Variants in DZIP3 observed in about 807,000 individuals in gnomAD.
The protein encoded by DZIP3 is E3 ubiquitin-protein ligase DZIP3.
In DZIP3, 118 loss-of-function variants were observed where a neutral mutation model predicts 162.0. The observed-to-expected ratio is 0.73, with a 90% CI of 0.63 to 0.85. DZIP3 has a LOEUF of 0.85. DZIP3 is among the 40% of genes least tolerant of loss of function. DZIP3 has a pLI of 0.00. For synonymous variants in DZIP3, 438 were observed against 458.6 expected (o/e 0.96, Z 0.57); for missense variants, 1,331 against 1,407.0 (o/e 0.95, Z 0.86).
chr3:108,661,970 G>A lies in DZIP3; in HGVS notation c.2293G>A (p.Glu765Lys), dbSNP rs1576438127. 1.2e-6 allele frequency: 2 copies of A among 1,613,042 alleles called. No individual in the cohort carries two copies. The highest frequency in any genetic ancestry group is 3.3e-4 in the Middle Eastern group (2 of 6,058). The stretch of plus-strand genomic sequence containing the variant: ...GCTTTATAAATTGCACTATCAGTGT[G>A]AAGTAAGTATTTTTGCCATTAGATC... The part of the protein sequence containing the change: ...RQLYKLHYQC[E>K]DFKRQLRTVT... The change falls in exon 20 of 33, where the codon GAA becomes AAA. Residue 765 changes from glutamate (E) to lysine (K), a missense_variant and splice_region_variant. Physicochemically the swap from Glu to Lys is moderately conservative, Grantham distance 56. Transcript: ENST00000361582.
At chr3:108,599,500 A>G (rs1939882020) in intron 1 of DZIP3, among the ~76,000 whole-genome samples, 2 of 152,232 alleles carry the variant, frequency 1.3e-5, no homozygotes, top group African/African-American at 4.8e-5. Flanking sequence ...GCAACTTGTT[A>G]ACTTGTTATT....
At chr3:108,653,851 A>C (rs1288688514) in intron 18 of DZIP3, among the ~76,000 whole-genome samples, 10 of 152,076 alleles carry the variant, frequency 6.6e-5, no homozygotes, top group Non-Finnish European at 1.3e-4. Flanking sequence ...CAACTGATGT[A>C]ACTAGTTATA....
chr3:108,624,179 A>G (rs1423027918), intron 5 of DZIP3, among the ~76,000 whole-genome samples: 1 of 152,080 alleles, frequency 6.6e-6, no homozygotes, highest in African/African-American at 2.4e-5. Context: ...TGGAGCTTCT[A>G]TTTGGCCATC....
intron 17 of DZIP3, among the ~76,000 whole-genome samples, chr3:108,649,937 A>G (rs922656471): frequency 6.6e-6 from 1 of 151,820 alleles, no homozygotes; most frequent in African/African-American, 2.4e-5. Flanking sequence ...ACTTTTAGAC[A>G]GTTCTTATCT....
Position 108,644,311 on chromosome 3 carries a change from A to G in DZIP3, c.1289A>G (p.Asn430Ser), listed in dbSNP as rs1450075545. ...LLKKELLIHK[N>S]VLESYYNHLW... ...AAAAAAGAGCTTCTTATACACAAGA[A>G]TGTGCTGGAATCCTACTACAACCAT... is the stretch of plus-strand genomic sequence containing the variant. Residue 430 changes from asparagine (N) to serine (S), a missense_variant, in exon 14 of 33, where the codon AAT becomes AGT. Physicochemically the swap from Asn to Ser is conservative, Grantham distance 46 (BLOSUM62 1). Around this residue, in one of 2 missense-constraint regions of DZIP3, gnomAD observed 1,278 missense variants for 1,317.1 expected, o/e 0.97. Coordinates refer to ENST00000361582, the MANE Select transcript of DZIP3 (RefSeq NM_014648.4). 2.5e-6 allele frequency: 4 copies of G among 1,614,112 alleles called. No homozygotes were observed. The highest frequency in any genetic ancestry group is 3.4e-6 in the Non-Finnish European group (4 of 1,179,972).
At chr3:108,622,284 C>CT (rs1032055129) in intron 5 of DZIP3, among the ~76,000 whole-genome samples, 3 of 152,074 alleles carry the variant, frequency 2.0e-5, no homozygotes, top group Non-Finnish European at 4.4e-5. Context: ...ATGTCAATTG[C>CT]TTTTTTAAGC....
At chr3:108,637,597 A>G (rs1380894128) in intron 12 of DZIP3, 49 bp downstream of exon 12, 1 of 1,520,604 alleles carries the variant, frequency 6.6e-7, no homozygotes, top group South Asian at 1.2e-5. Context: ...ATATGCATAT[A>G]TTTTTTGGTT....
intron 17 of DZIP3, 60 bp downstream of exon 17, chr3:108,649,022 T>C: frequency 1.0e-6 from 1 of 980,534 alleles, no homozygotes; most frequent in Non-Finnish European, 1.4e-6. Context: ...AATACATGAA[T>C]TCATTGTTAG....
rs185189013 is a variant in DZIP3 at position 108,616,347 on chromosome 3, G to A, written c.259-194G>A. Among the ~76,000 whole-genome samples, 407 of 150,358 alleles carry A rather than the reference G, an allele frequency of 2.7e-3. 1 individual carries two copies. Among genetic ancestry groups the A allele is most frequent in the Non-Finnish European group, 4.8e-3 (322 of 67,708 alleles). On this transcript the variant is annotated intron_variant, in intron 4 of 32. Transcript: ENST00000361582. ...TTGTTTTAAGGAAATAGTTACAAAC[G>A]ACATTCATCGGACTACTTAAAAGCA...
chr3:108,594,440 C>A (rs1029094853), intron 1 of DZIP3, among the ~76,000 whole-genome samples: 2 of 131,502 alleles, frequency 1.5e-5, no homozygotes, highest in Non-Finnish European at 1.6e-5. Context: ...CTGCTCCCCC[C>A]CCATATATAT....
At chr3:108,615,009 A>G (rs189420412) in intron 4 of DZIP3, among the ~76,000 whole-genome samples, 194 of 152,284 alleles carry the variant, frequency 1.3e-3, no homozygotes, top group African/African-American at 4.4e-3. Flanking sequence ...CAGGGCCTCA[A>G]TGAAAAGAAT....
chr3:108,636,708 G>T lies in DZIP3; in HGVS notation c.1011G>T (p.Leu337Phe). 6.4e-7 allele frequency: 1 copy of T among 1,559,908 alleles called. No homozygotes were observed. The highest frequency in any genetic ancestry group is 1.2e-5 in the South Asian group (1 of 81,290). The change falls in exon 11 of 33, where the codon TTG (leucine) becomes TTT (phenylalanine). Residue 337 changes from leucine to phenylalanine, a missense_variant and splice_region_variant. Leu to Phe is a conservative substitution (Grantham distance 22). Coordinates refer to ENST00000361582, the MANE Select transcript of DZIP3 (RefSeq NM_014648.4). Reference protein sequence around the residue: ...QCDVPGIVKILFEVVRKDEYI... With the variant: ...QCDVPGIVKIFFEVVRKDEYI... ...ATGTACCTGGAATTGTTAAAATTTT[G>T]GTGAGTATCTTGTTTTGTCCTTTTT...
Position 108,688,609 on chromosome 3 carries a change from T to A in DZIP3, c.3287T>A (p.Val1096Glu). The A allele has an allele frequency of 6.2e-7, 1 of 1,611,306 alleles. No individual in the cohort carries two copies. ...TATTTTCAGAGTCAAGGAAAATCAG[T>A]GTCAAATGTTAATTGTGTTTCACCT... ...PKKSQSQGKS[V>E]SNVNCVSPSH... The change falls in exon 30 of 33, where the codon GTG becomes GAG. Residue 1096 changes from valine to glutamate, a missense_variant. This residue lies in a region of DZIP3 where 1,278 missense variants were observed against 1,317.1 expected (regional missense o/e 0.97). Coordinates refer to ENST00000361582, the MANE Select transcript of DZIP3 (RefSeq NM_014648.4).
intron 1 of DZIP3, among the ~76,000 whole-genome samples, chr3:108,604,981 A>G (rs1940253202): frequency 6.6e-6 from 1 of 152,232 alleles, no homozygotes; most frequent in Non-Finnish European, 1.5e-5. Flanking sequence ...ACCAACTATA[A>G]GGAAATGGCC....
intron 1 of DZIP3, among the ~76,000 whole-genome samples, chr3:108,598,456 T>C (rs566812944): frequency 6.6e-6 from 1 of 152,304 alleles, no homozygotes; most frequent in South Asian, 2.1e-4. Flanking sequence ...CCCAAGGTAA[T>C]ACACTCAGTT....
chr3:108,600,713 T>C (rs1324215827), intron 1 of DZIP3, among the ~76,000 whole-genome samples: 6 of 152,202 alleles, frequency 3.9e-5, no homozygotes, highest in South Asian at 2.1e-4. Flanking sequence ...GGAACACTTA[T>C]ATAGTGCTTA....
intron 1 of DZIP3, among the ~76,000 whole-genome samples, chr3:108,590,323 G>A (rs796813193): frequency 1.3e-5 from 2 of 151,942 alleles, no homozygotes; most frequent in Non-Finnish European, 2.9e-5. Flanking sequence ...GTAAGAATAG[G>A]GTACATTTCC....
Position 108,640,677 on chromosome 3 carries a change from C to A in DZIP3, c.1065-1761C>A, listed in dbSNP as rs185007243. 3.3e-4 allele frequency among the ~76,000 whole-genome samples: 51 copies of A among 152,244 alleles called. No individual in the cohort carries two copies. The East Asian group carries it at 8.5e-3, about 25-fold the overall frequency. On this transcript the variant is annotated intron_variant, in intron 12 of 32. Coordinates refer to ENST00000361582, the MANE Select transcript of DZIP3 (RefSeq NM_014648.4). ...GCTAGGATGGTCTTCATCTTCTGAC[C>A]TCGTGATCCACCCTCTTCGGCCTCC... is the stretch of plus-strand genomic sequence containing the variant.
At chr3:108,634,810 T>C in intron 9 of DZIP3, 61 bp from the exon 10 acceptor site, 1 of 927,832 alleles carries the variant, frequency 1.1e-6, no homozygotes, top group South Asian at 2.4e-5. Context: ...CAATATAATT[T>C]TTTTTATCTA....
Sources: gnomAD v4.1 joint callset for allele counts (sites outside exome capture counted in the v4.1 genomes callset) on GRCh38, gnomAD v4.1.1 for gene constraint, gnomAD v4.1.1 regional missense constraint, MANE v1.5 for transcripts, NCBI Gene and HGNC (gene_info 2026-07-23, HGNC 2026-07-21) for gene names.